Variants in LARS2 observed in about 807,000 individuals in gnomAD.
LARS2 encodes leucine--tRNA ligase, mitochondrial.
A neutral mutation model predicts 116.6 loss-of-function variants in LARS2; 81 were observed. The observed-to-expected ratio is 0.69, with a 90% CI of 0.58 to 0.84. The LOEUF (loss-of-function observed/expected upper bound fraction) is 0.84. Ranked by LOEUF, LARS2 falls within the 40% of genes least tolerant of loss-of-function variation. The probability of loss-of-function intolerance (pLI) is 0.00; values close to 1 mark genes in which losing one functional copy is unlikely to be tolerated. For synonymous variants in LARS2, 396 were observed against 407.2 expected, an observed-to-expected ratio of 0.97 and a Z score of 0.33; for missense variants, 968 against 1,114.5, an observed-to-expected ratio of 0.87 and a Z score of 1.87.
Position 45,419,733 on chromosome 3 carries a change from A to G in LARS2, c.516+4A>G, listed in dbSNP as rs1310851875. Reference sequence around the variant, plus strand: ...CCTGTGTTTCAGCTGGGATAGGGTAAGTCAACTCTTTTTCCTGAAAGGTCG... The same window carrying G: ...CCTGTGTTTCAGCTGGGATAGGGTAGGTCAACTCTTTTTCCTGAAAGGTCG... On this transcript the variant is annotated splice_donor_region_variant and intron_variant, in intron 6 of 21. Transcript: ENST00000645846. The G allele has an allele frequency of 6.2e-7, 1 of 1,611,718 alleles. No individual in the cohort carries two copies. Among genetic ancestry groups the G allele is most frequent in the Non-Finnish European group, 8.5e-7 (1 of 1,177,830 alleles).
At chr3:45,409,324 T>A (rs1405025707) in intron 4 of LARS2, among the ~76,000 whole-genome samples, 1 of 152,174 alleles carries the variant, frequency 6.6e-6, no homozygotes, top group African/African-American at 2.4e-5. Context: ...AGAAAGGAAT[T>A]GGAATTCTAA....
intron 4 of LARS2, among the ~76,000 whole-genome samples, chr3:45,403,125 A>AAAAG (rs1238411522): frequency 6.8e-6 from 1 of 147,950 alleles, no homozygotes; most frequent in Non-Finnish European, 1.5e-5. Context: ...AAAAAAAAAA[A>AAAAG]AAAAAAGAAA....
intron 6 of LARS2, among the ~76,000 whole-genome samples, chr3:45,426,016 T>C (rs1432520207): frequency 1.3e-5 from 2 of 151,966 alleles, no homozygotes; most frequent in South Asian, 2.1e-4. Flanking sequence ...GGAGCAGTGC[T>C]CTCTTTCCAT....
rs1575222719 is a variant in LARS2 at position 45,389,554 on chromosome 3, A to G, written c.-88+874A>G. 2.6e-5 allele frequency among the ~76,000 whole-genome samples: 4 copies of G among 152,208 alleles called. No homozygotes were observed. The East Asian group carries it at 7.7e-4, about 29-fold the overall frequency. On this transcript the variant is annotated intron_variant, in intron 1 of 21. Coordinates refer to ENST00000645846, the MANE Select transcript of LARS2 (RefSeq NM_015340.4). The stretch of plus-strand genomic sequence containing the variant: ...CTGTGCAGGGCCCTTCCTATTCTCA[A>G]AAACCTTCACCTTAAGCTCCAACTG...
chr3:45,529,409 C>T (rs1700581091), intron 20 of LARS2, among the ~76,000 whole-genome samples: 1 of 151,870 alleles, frequency 6.6e-6, no homozygotes, highest in Non-Finnish European at 1.5e-5. Flanking sequence ...ATTAGCCGGG[C>T]GTGGTGGCGC....
chr3:45,403,114 A>G (rs1698181296), intron 4 of LARS2, among the ~76,000 whole-genome samples: 1 of 133,102 alleles, frequency 7.5e-6, no homozygotes, highest in South Asian at 2.2e-4. Flanking sequence ...TCCAAAGACA[A>G]AAAAAAAAAA....
intron 3 of LARS2, among the ~76,000 whole-genome samples, chr3:45,396,849 T>G (rs1160159776): frequency 1.3e-5 from 2 of 152,228 alleles, no homozygotes; most frequent in Non-Finnish European, 2.9e-5. Flanking sequence ...ATTCCTGAGC[T>G]CATGCTTTTC....
intron 10 of LARS2, among the ~76,000 whole-genome samples, chr3:45,477,384 C>T (rs987906222): frequency 2.0e-5 from 3 of 152,214 alleles, no homozygotes; most frequent in African/African-American, 7.2e-5. Flanking sequence ...CCCTGAGTGC[C>T]ACTGTCAGTA....
Position 45,394,772 on chromosome 3 carries a change from G to C in LARS2, c.234+85G>C, listed in dbSNP as rs914281951. On this transcript the variant is annotated intron_variant, in intron 3 of 21. Coordinates refer to ENST00000645846, the MANE Select transcript of LARS2 (RefSeq NM_015340.4). ...GGGTTAGACTACCTGGTTCAAATAA[G>C]ATATTAAATATGTGACCTTGAACCA... The C allele has an allele frequency of 2.3e-5, 20 of 860,854 alleles. 1 individual carries two copies. The Admixed American group carries it at 2.5e-4, about 11-fold the overall frequency. 53.3% of individuals were successfully genotyped at this position (860,854 alleles called of 1,614,324 possible).
chr3:45,485,531 G>A (rs923806637), intron 10 of LARS2, among the ~76,000 whole-genome samples, 161 bp from the exon 11 acceptor site: 7 of 152,202 alleles, frequency 4.6e-5, no homozygotes, highest in African/African-American at 1.7e-4. Context: ...ATTCACTGGT[G>A]TGAATTATCT....
At chr3:45,508,727 T>C (rs1700235148) in intron 15 of LARS2, among the ~76,000 whole-genome samples, 1 of 152,060 alleles carries the variant, frequency 6.6e-6, no homozygotes, top group African/African-American at 2.4e-5. Context: ...GCTCATACTG[T>C]AATTAGCACA....
At chr3:45,415,827 A>T (rs1698404031) in intron 4 of LARS2, among the ~76,000 whole-genome samples, 1 of 145,794 alleles carries the variant, frequency 6.9e-6, no homozygotes, top group Non-Finnish European at 1.5e-5. Flanking sequence ...CAGCCTGGGC[A>T]ACAGAGCAAG....
Position 45,388,665 on chromosome 3 carries a change from C to G in LARS2, c.-103C>G, listed in dbSNP as rs1553625369. Reference sequence around the variant, plus strand: ...AACGAGGAGTAGAGGAGCCGCAGGCCAGAGCCTGTGAGCAGGTAAACCCCC... The same window carrying G: ...AACGAGGAGTAGAGGAGCCGCAGGCGAGAGCCTGTGAGCAGGTAAACCCCC... On this transcript the variant is annotated 5_prime_UTR_variant, in exon 1 of 22. Coordinates refer to ENST00000645846, the MANE Select transcript of LARS2 (RefSeq NM_015340.4). 1 of 152,310 alleles carries G rather than the reference C, an allele frequency of 6.6e-6. No homozygotes were observed. The highest frequency in any genetic ancestry group is 6.5e-5 in the Admixed American group (1 of 15,290). 9.4% of individuals were successfully genotyped at this position (152,310 alleles called of 1,614,324 possible).
intron 19 of LARS2, among the ~76,000 whole-genome samples, chr3:45,523,085 C>T (rs981621735): frequency 7.6e-4 from 116 of 151,912 alleles, no homozygotes; most frequent in Non-Finnish European, 1.5e-4. Context: ...ATATTCTGTG[C>T]TGAGTGTGTG....
intron 11 of LARS2, among the ~76,000 whole-genome samples, chr3:45,488,038 T>C (rs1191950141): frequency 6.6e-6 from 1 of 152,124 alleles, no homozygotes; most frequent in Non-Finnish European, 1.5e-5. Flanking sequence ...CCCACTGCCC[T>C]CTGCCACTGA....
chr3:45,394,835 G>C, intron 3 of LARS2, 148 bp downstream of exon 3: 1 of 629,664 alleles, frequency 1.6e-6, no homozygotes, highest in Non-Finnish European at 2.8e-6. Context: ...TCTCTTATCT[G>C]AGATGGAGAG....
intron 13 of LARS2, among the ~76,000 whole-genome samples, chr3:45,492,431 T>C (rs1484391142): frequency 6.6e-6 from 1 of 152,260 alleles, no homozygotes; most frequent in African/African-American, 2.4e-5. Context: ...TTCCAGTATT[T>C]TCCTTCTTCT....
chr3:45,427,645 A>G (rs1698617145), intron 6 of LARS2, among the ~76,000 whole-genome samples: 1 of 152,196 alleles, frequency 6.6e-6, no homozygotes, highest in African/African-American at 2.4e-5. Context: ...ACGTGTATGT[A>G]TAACTTAATA....
At chr3:45,486,500 T>C (rs1575285662) in intron 11 of LARS2, among the ~76,000 whole-genome samples, 1 of 152,174 alleles carries the variant, frequency 6.6e-6, no homozygotes, top group South Asian at 2.1e-4. Flanking sequence ...ATTCCAACAT[T>C]CCTACTGTAG....
Sources: allele counts gnomAD v4.1 joint callset (sites outside exome capture counted in the v4.1 genomes callset), GRCh38; gene constraint gnomAD v4.1.1; transcripts MANE v1.5; gene names NCBI Gene and HGNC (gene_info 2026-07-23, HGNC 2026-07-21).